PRRC2B: variants seen among roughly 807,000 people sequenced by gnomAD.
PRRC2B encodes proline rich coiled-coil 2B.
In PRRC2B, 68 loss-of-function variants were observed where a neutral mutation model predicts 242.3. That is an observed-to-expected ratio of 0.28 (90% CI 0.23 to 0.34). PRRC2B has a LOEUF of 0.34. PRRC2B is among the 10% of genes least tolerant of loss of function. The pLI is 1.00. For missense variants in PRRC2B, 2,835 were observed against 2,954.8 expected (o/e 0.96, Z 0.94); for synonymous variants, 1,228 against 1,173.6 (o/e 1.05, Z -0.95).
chr9:131,482,718 A>T lies in PRRC2B; in HGVS notation c.5184A>T (p.Glu1728Asp). 2.5e-6 allele frequency: 4 copies of T among 1,578,312 alleles called. No individual in the cohort carries two copies. The highest frequency in any genetic ancestry group is 3.4e-6 in the Non-Finnish European group (4 of 1,163,758). The change falls in exon 22 of 32, where the codon GAA (glutamate) becomes GAT (aspartate). Residue 1728 changes from glutamate (E) to aspartate (D), a missense_variant. This residue lies in a region of PRRC2B where 51 missense variants were observed against 45.1 expected (regional missense o/e 1.13). Transcript: ENST00000683519. This position sits in a 1 kb window ranked among gnomAD's most constrained non-coding sequence, Gnocchi z 5.2. ...APKPSEQKDS[E>D]QGSGQSKEHR... ...TCTGCTTTTTTATCAAGGATTCAGAACAAGGCTCTGGACAGAGCAAGGAGC... is the reference window on the plus strand; with the variant it reads ...TCTGCTTTTTTATCAAGGATTCAGATCAAGGCTCTGGACAGAGCAAGGAGC...
At chr9:131,417,032 CAGAT>C (rs1474602304) in intron 1 of PRRC2B, among the ~76,000 whole-genome samples, 2 of 152,184 alleles carry the variant, frequency 1.3e-5, no homozygotes, top group Non-Finnish European at 2.9e-5. Flanking sequence ...GGTCATCTCT[CAGAT>C]ACCTGTGGTC....
chr9:131,433,567 G>A (rs1249193636), intron 3 of PRRC2B, among the ~76,000 whole-genome samples: 1 of 152,224 alleles, frequency 6.6e-6, no homozygotes, highest in Admixed American at 6.5e-5. Flanking sequence ...AAGGGGATGT[G>A]TTCAGGGAGG....
intron 28 of PRRC2B, chr9:131,490,900 G>A (rs1011931177): frequency 2.6e-5 from 8 of 311,358 alleles, no homozygotes; most frequent in South Asian, 1.1e-4. Context: ...TGCCCACCCC[G>A]CCCCGTGTGC....
chr9:131,428,569 G>T (rs1285839270), intron 1 of PRRC2B, among the ~76,000 whole-genome samples: 2 of 151,996 alleles, frequency 1.3e-5, no homozygotes, highest in Non-Finnish European at 2.9e-5. Context: ...GCTAATTTGT[G>T]TAATTTTAGT....
chr9:131,498,439 G>C lies in PRRC2B; in HGVS notation c.*2565G>C, dbSNP rs1944387771. ...AGATGCAGGTTTTAAATGAGACTTG[G>C]GGGGCTGAGGGCAGGCCTCAGGCCT... On this transcript the variant is annotated 3_prime_UTR_variant, in exon 32 of 32. Transcript: ENST00000683519. 1.3e-5 allele frequency: 2 copies of C among 152,196 alleles called. No individual in the cohort carries two copies. The highest frequency in any genetic ancestry group is 2.9e-5 in the Non-Finnish European group (2 of 68,030). The allele number at this position is 152,196 out of a possible 1,614,324, so 9.4% of individuals were successfully genotyped here.
intron 1 of PRRC2B, among the ~76,000 whole-genome samples, chr9:131,415,279 G>A (rs926129290): frequency 4.6e-5 from 7 of 152,198 alleles, no homozygotes; most frequent in African/African-American, 1.7e-4. Context: ...TTCAGGCCTG[G>A]CCAACAGCAA....
At chr9:131,427,552 G>A (rs951001206) in intron 1 of PRRC2B, among the ~76,000 whole-genome samples, 10 of 152,114 alleles carry the variant, frequency 6.6e-5, no homozygotes, top group Non-Finnish European at 1.0e-4. Flanking sequence ...GGATGGTCTC[G>A]ATCTCCTGAC....
chr9:131,464,724 C>T (rs753235165), intron 11 of PRRC2B, 39 bp from the exon 12 acceptor site: 38 of 1,528,036 alleles, frequency 2.5e-5, no homozygotes, highest in African/African-American at 2.1e-4. Flanking sequence ...TCCCGGGTCC[C>T]GGACCCACCG....
chr9:131,419,877 C>T lies in PRRC2B; in HGVS notation c.-51-10217C>T, dbSNP rs138196230. Among the ~76,000 whole-genome samples, 427 of 147,818 alleles carry T rather than the reference C, an allele frequency of 2.9e-3. 1 individual carries two copies. The highest frequency in any genetic ancestry group is 0.014 in the Middle Eastern group (4 of 286). ...GGGGGGTCTGGACTTGACCCTGGCG[C>T]GGTGGGGGGTGATGTGGAAGGTGTG... On this transcript the variant is annotated intron_variant, in intron 1 of 31. Coordinates refer to ENST00000683519, the MANE Select transcript of PRRC2B (RefSeq NM_013318.4).
At chr9:131,436,220 C>T (rs1037787234) in intron 3 of PRRC2B, among the ~76,000 whole-genome samples, 2 of 152,094 alleles carry the variant, frequency 1.3e-5, no homozygotes, top group South Asian at 2.1e-4. Context: ...AAAAGAAAGG[C>T]CAGGCAAGGT....
chr9:131,487,079 T>G lies in PRRC2B; in HGVS notation c.5857-88T>G. 1 of 1,170,480 alleles carries G rather than the reference T, an allele frequency of 8.5e-7. No individual in the cohort carries two copies. The highest frequency in any genetic ancestry group is 1.3e-6 in the Non-Finnish European group (1 of 795,456). The allele number at this position is 1,170,480 out of a possible 1,614,324, so 72.5% of individuals were successfully genotyped here. ...ATTTTGGGCAGTGTTCCAGCAGCCA[T>G]GTGGAGAGGGGCAGGGGAGGTGGGA... is the stretch of plus-strand genomic sequence containing the variant. On this transcript the variant is annotated intron_variant, in intron 26 of 31. Transcript: ENST00000683519. This position sits in a 1 kb window ranked among gnomAD's most constrained non-coding sequence, Gnocchi z 5.3.
chr9:131,480,868 TC>T (rs1173265585), intron 19 of PRRC2B, among the ~76,000 whole-genome samples: 1 of 152,082 alleles, frequency 6.6e-6, no homozygotes, highest in African/African-American at 2.4e-5. Flanking sequence ...TTTCAAAGAC[TC>T]TGTAGAAGCC....
In PRRC2B at chr9:131,482,013, GAA is replaced by G. The variant is rs1325916721; in HGVS notation, c.4983+207_4983+208del. On this transcript the variant is annotated intron_variant, in intron 20 of 31. Transcript: ENST00000683519. This position sits in a 1 kb window ranked among gnomAD's most constrained non-coding sequence, Gnocchi z 5.2. ...GTGCATGGGGCGTGCATGAGCAGGA[GAA>G]AGAGAAAAGGGGTAACAAGGGAGGA... 2.0e-5 allele frequency among the ~76,000 whole-genome samples: 3 copies of G among 152,236 alleles called. No individual in the cohort carries two copies.
At chr9:131,413,468 G>A (rs752478005) in intron 1 of PRRC2B, among the ~76,000 whole-genome samples, 25 of 152,172 alleles carry the variant, frequency 1.6e-4, no homozygotes, top group East Asian at 5.8e-4. Flanking sequence ...TTAAATTTAC[G>A]TTCAAGTGCT....
chr9:131,497,528 G>C lies in PRRC2B; in HGVS notation c.*1654G>C, dbSNP rs1302683372. Reference sequence around the variant, plus strand: ...TTCAGCGTCTCACGGGTGCAGGACAGCGCTCAGGCTTGGGCTCTAAGCTCT... The same window carrying C: ...TTCAGCGTCTCACGGGTGCAGGACACCGCTCAGGCTTGGGCTCTAAGCTCT... On this transcript the variant is annotated 3_prime_UTR_variant, in exon 32 of 32. Coordinates refer to ENST00000683519, the MANE Select transcript of PRRC2B (RefSeq NM_013318.4). 1.3e-5 allele frequency: 2 copies of C among 152,282 alleles called. No individual in the cohort carries two copies. Among genetic ancestry groups the C allele is most frequent in the Non-Finnish European group, 2.9e-5 (2 of 68,078 alleles). 9.4% of individuals were successfully genotyped at this position (152,282 alleles called of 1,614,324 possible).
intron 1 of PRRC2B, among the ~76,000 whole-genome samples, chr9:131,407,541 C>A (rs1250801120): frequency 6.6e-6 from 1 of 152,150 alleles, no homozygotes; most frequent in Non-Finnish European, 1.5e-5. Context: ...GAACTGGCTT[C>A]GCCGGCGATT....
At position 131,397,870 on chromosome 9, in the gene PRRC2B, A is replaced by G. The variant is rs544603261; in HGVS notation, c.-52+3607A>G. ...CAAAAAACAACATTTCCAGCAGACA[A>G]TGGGCTTTGTGCTCCAAATCTTGTA... On this transcript the variant is annotated intron_variant, in intron 1 of 31. Transcript: ENST00000683519. Among the ~76,000 whole-genome samples, 5 of 152,306 alleles carry G rather than the reference A, an allele frequency of 3.3e-5. No homozygotes were observed. The East Asian group carries it at 5.8e-4, about 18-fold the overall frequency.
At chr9:131,435,253 A>G (rs978028493) in intron 3 of PRRC2B, among the ~76,000 whole-genome samples, 4 of 151,608 alleles carry the variant, frequency 2.6e-5, no homozygotes, top group African/African-American at 7.3e-5. Context: ...AGCCGAGATC[A>G]TGCCACTGCA....
At chr9:131,431,070 C>G (rs149468549) in intron 2 of PRRC2B, among the ~76,000 whole-genome samples, 1,734 of 152,046 alleles carry the variant, frequency 0.011, 13 homozygotes, top group Middle Eastern at 0.031. Flanking sequence ...CCTGCCTCAG[C>G]CTCCTGAGTA....
Sources: gnomAD v4.1 joint callset for allele counts (sites outside exome capture counted in the v4.1 genomes callset) on GRCh38, gnomAD v4.1.1 for gene constraint, gnomAD v4.1.1 regional missense constraint, Gnocchi (gnomAD v3.1) non-coding constraint, MANE v1.5 for transcripts, NCBI Gene and HGNC (gene_info 2026-07-23, HGNC 2026-07-21) for gene names.